Variants in ENTREP2 observed in about 807,000 individuals in gnomAD.
ENTREP2 encodes the protein endosomal transmembrane epsin interactor 2.
chr15:29,141,010 C>T, the ENTREP2 span, among the ~76,000 whole-genome samples: 1 of 152,176 alleles, frequency 6.6e-6, no homozygotes, highest in African/African-American at 2.4e-5. Flanking sequence ...GAGAAGAGCC[C>T]CTGCTCAGTC....
At chr15:29,343,573 GCT>G in the ENTREP2 span, among the ~76,000 whole-genome samples, 1 of 150,428 alleles carries the variant, frequency 6.6e-6, no homozygotes, top group Non-Finnish European at 1.5e-5. Flanking sequence ...AAAACCAGGC[GCT>G]CTCTCTCTCT....
chr15:29,292,629 G>C, the ENTREP2 span, among the ~76,000 whole-genome samples: 15 of 152,112 alleles, frequency 9.9e-5, no homozygotes, highest in South Asian at 3.1e-3. Flanking sequence ...GATCTGCCCT[G>C]CTCGGCCTCC....
At chr15:29,178,735 C>G in the ENTREP2 span, among the ~76,000 whole-genome samples, 5 of 152,222 alleles carry the variant, frequency 3.3e-5, no homozygotes, top group African/African-American at 1.2e-4. Context: ...CAAGGATTCT[C>G]CCCTGTTAGT....
At chr15:29,518,199 TCAAAA>T in the ENTREP2 span, among the ~76,000 whole-genome samples, 305 of 151,982 alleles carry the variant, frequency 2.0e-3, 1 homozygote, top group Non-Finnish European at 2.5e-3. Context: ...AGACCTAGTC[TCAAAA>T]CAAAACAAAA....
At chr15:29,580,202 C>G in the ENTREP2 span, among the ~76,000 whole-genome samples, 1,260 of 152,174 alleles carry the variant, frequency 8.3e-3, 22 homozygotes, top group African/African-American at 0.029. Flanking sequence ...CTGAGAATGA[C>G]TTTCTTCATC....
At chr15:29,474,210 T>C in the ENTREP2 span, among the ~76,000 whole-genome samples, 1 of 151,838 alleles carries the variant, frequency 6.6e-6, no homozygotes, top group Admixed American at 6.6e-5. Flanking sequence ...AAGTTTAGAG[T>C]TGGTGGGCGA....
the ENTREP2 span, among the ~76,000 whole-genome samples, chr15:29,367,358 T>A: frequency 9.8e-5 from 15 of 152,324 alleles, no homozygotes; most frequent in East Asian, 2.3e-3. Context: ...TAGAAGACCA[T>A]ACTTACAAAC....
the ENTREP2 span, chr15:29,376,114 G>C: frequency 6.6e-6 from 1 of 151,780 alleles, no homozygotes; most frequent in East Asian, 1.9e-4. Context: ...GTCCTAAACT[G>C]TAACTAATTT....
the ENTREP2 span, among the ~76,000 whole-genome samples, chr15:29,346,622 G>A: frequency 6.6e-6 from 1 of 152,158 alleles, no homozygotes; most frequent in Non-Finnish European, 1.5e-5. Flanking sequence ...TCCACAAAAA[G>A]AGTACTTTCA....
At chr15:29,392,033 T>A in the ENTREP2 span, among the ~76,000 whole-genome samples, 2 of 152,078 alleles carry the variant, frequency 1.3e-5, no homozygotes, top group Non-Finnish European at 2.9e-5. Flanking sequence ...TTTCACTGTG[T>A]TAGCCAGGAT....
At chr15:29,374,602 C>T in the ENTREP2 span, 1 of 151,688 alleles carries the variant, frequency 6.6e-6, no homozygotes, top group African/African-American at 2.4e-5. Context: ...CATTCAGCTT[C>T]TTGAATCTGT....
At chr15:29,265,242 C>A in the ENTREP2 span, 1 of 152,142 alleles carries the variant, frequency 6.6e-6, no homozygotes, top group African/African-American at 2.4e-5. Flanking sequence ...TTAGAGCCTG[C>A]TGTAACTGCT....
At chr15:29,507,920 G>A in the ENTREP2 span, among the ~76,000 whole-genome samples, 3 of 152,054 alleles carry the variant, frequency 2.0e-5, no homozygotes, top group African/African-American at 4.8e-5. Flanking sequence ...AACTGAAGGA[G>A]ATAGAGACAT....
the ENTREP2 span, among the ~76,000 whole-genome samples, chr15:29,646,494 G>T: frequency 6.6e-6 from 1 of 152,158 alleles, no homozygotes; most frequent in East Asian, 1.9e-4. Flanking sequence ...TCAAACCAGT[G>T]ATGGCACTTC....
chr15:29,660,604 G>A, the ENTREP2 span, among the ~76,000 whole-genome samples: 1 of 152,074 alleles, frequency 6.6e-6, no homozygotes, highest in Admixed American at 6.6e-5. Flanking sequence ...CTTCAAAATT[G>A]AATCAAATTA....
chr15:29,232,550 T>C, the ENTREP2 span, among the ~76,000 whole-genome samples: 1 of 152,044 alleles, frequency 6.6e-6, no homozygotes, highest in African/African-American at 2.4e-5. Flanking sequence ...TGGAGTGCAG[T>C]GGTACAATCA....
At chr15:29,124,867 A>AG in the ENTREP2 span, 1 of 1,005,784 alleles carries the variant, frequency 9.9e-7, no homozygotes, top group Non-Finnish European at 1.5e-6. Context: ...GCGAGCAAGC[A>AG]GGAGAAGCCT....
chr15:29,524,602 C>T, the ENTREP2 span, among the ~76,000 whole-genome samples: 1 of 152,164 alleles, frequency 6.6e-6, no homozygotes, highest in Non-Finnish European at 1.5e-5. Flanking sequence ...GTGTTCAGCT[C>T]GATTAGGATG....
At chr15:29,159,024 A>C in the ENTREP2 span, among the ~76,000 whole-genome samples, 59 of 152,224 alleles carry the variant, frequency 3.9e-4, no homozygotes, top group African/African-American at 1.0e-3. Context: ...AACATTAAAC[A>C]GTTCAGGACA....
Sources: allele counts gnomAD v4.1 joint callset (sites outside exome capture counted in the v4.1 genomes callset), GRCh38; gene constraint gnomAD v4.1.1; transcripts MANE v1.5; gene names NCBI Gene and HGNC (gene_info 2026-07-23, HGNC 2026-07-21).